The following IP6K1 variants were observed in gnomAD, a reference collection of about 807,000 sequenced individuals.
IP6K1 encodes the protein ATP:1D-myo-inositol-hexakisphosphate phosphotransferase.
A neutral mutation model predicts 38.3 loss-of-function variants in IP6K1; 13 were observed. The observed-to-expected ratio is 0.34, with a 90% CI of 0.22 to 0.54. The LOEUF is 0.54. Among genes scored for constraint, IP6K1 ranks in the 20% least tolerant of loss-of-function variants. IP6K1 has a pLI of 0.92. For missense variants in IP6K1, 397 were observed against 599.8 expected (o/e 0.66, Z 3.53); for synonymous variants, 212 against 229.9 (o/e 0.92, Z 0.70).
intron 1 of IP6K1, among the ~76,000 whole-genome samples, chr3:49,766,107 C>T (rs991899157): frequency 1.3e-5 from 2 of 151,842 alleles, no homozygotes; most frequent in African/African-American, 4.8e-5. Flanking sequence ...ATCCGGGAGG[C>T]GGAGCTTGCC....
At chr3:49,761,613 CAAAA>C (rs71080551) in intron 1 of IP6K1, among the ~76,000 whole-genome samples, 2 of 91,722 alleles carry the variant, frequency 2.2e-5, no homozygotes, top group Non-Finnish European at 4.3e-5. Context: ...GACTCCGTCT[CAAAA>C]AAAAAAAAAA....
chr3:49,740,886 C>T (rs1472380902), intron 2 of IP6K1, among the ~76,000 whole-genome samples: 5 of 146,328 alleles, frequency 3.4e-5, no homozygotes, highest in African/African-American at 1.3e-4. Flanking sequence ...TGGAATCTTG[C>T]TCTGTCGCCC....
chr3:49,752,646 G>A lies in IP6K1; in HGVS notation c.-128-4478C>T, dbSNP rs77427442. On this transcript the variant is annotated intron_variant, in intron 1 of 5. Coordinates refer to ENST00000321599, the MANE Select transcript of IP6K1 (RefSeq NM_153273.4). ...CAAGTGATTCTCCTACCGTAGAGAC[G>A]GGGTTTCTCATGTTGGCCAGACTGG... Among the ~76,000 whole-genome samples the A allele has an allele frequency of 1.9e-4, 29 of 152,052 alleles. No individual in the cohort carries two copies. In the East Asian group the frequency reaches 2.3e-3, roughly 12 times the overall value.
chr3:49,734,563 C>T (rs900438628), intron 3 of IP6K1, among the ~76,000 whole-genome samples: 1 of 88,690 alleles, frequency 1.1e-5, no homozygotes, highest in African/African-American at 3.2e-5. Flanking sequence ...TGCTAACCCT[C>T]TCCAAGGGTC....
At chr3:49,728,060 C>CA in intron 5 of IP6K1, 43 bp downstream of exon 5, 1 of 1,580,094 alleles carries the variant, frequency 6.3e-7, no homozygotes. Context: ...CAACCCAAAT[C>CA]ATGCAAGTGG....
intron 1 of IP6K1, among the ~76,000 whole-genome samples, chr3:49,777,351 C>A (rs1178043769): frequency 6.6e-6 from 1 of 151,892 alleles, no homozygotes; most frequent in Non-Finnish European, 1.5e-5. Context: ...TGCCTGAGGT[C>A]AAGAGATCGA....
At chr3:49,742,408 G>A (rs2080677020) in intron 2 of IP6K1, among the ~76,000 whole-genome samples, 1 of 152,144 alleles carries the variant, frequency 6.6e-6, no homozygotes, top group Non-Finnish European at 1.5e-5. Flanking sequence ...AATTAGCCGG[G>A]CGTGGTGGTA....
intron 1 of IP6K1, among the ~76,000 whole-genome samples, chr3:49,776,648 A>G (rs1175446516): frequency 6.6e-6 from 1 of 152,210 alleles, no homozygotes; most frequent in African/African-American, 2.4e-5. Context: ...AGCTAGGAAC[A>G]CACAACTCAA....
Position 49,727,348 on chromosome 3 carries a change from T to A in IP6K1, c.1100A>T (p.Glu367Val). ...GCTGGGGCCACAGGATGACGCCACCTCAGGGAGCACCATGTCCAGGTGCTT... is the reference window on the plus strand; with the variant it reads ...GCTGGGGCCACAGGATGACGCCACCACAGGGAGCACCATGTCCAGGTGCTT... Reference protein sequence around the residue: ...RLKHLDMVLPEVASSCGPSTS... With the variant: ...RLKHLDMVLPVVASSCGPSTS... Residue 367 changes from glutamate (E) to valine (V), a missense_variant, in exon 6 of 6, where the codon GAG becomes GTG. By Grantham distance (121) the Glu-to-Val change is moderately radical (BLOSUM62 -2). This residue lies in a region of IP6K1 where 164 missense variants were observed against 213.5 expected (regional missense o/e 0.77). Transcript: ENST00000321599. This position sits in a 1 kb window ranked among gnomAD's most constrained non-coding sequence, Gnocchi z 5.9. 1.2e-6 allele frequency: 2 copies of A among 1,614,022 alleles called. No individual in the cohort carries two copies. The highest frequency in any genetic ancestry group is 4.5e-5 in the East Asian group (2 of 44,876).
At chr3:49,729,419 T>TA (rs2080544478) in intron 4 of IP6K1, among the ~76,000 whole-genome samples, 1 of 151,782 alleles carries the variant, frequency 6.6e-6, no homozygotes, top group Non-Finnish European at 1.5e-5. Flanking sequence ...TTATTTTATT[T>TA]TTTTTTTGAG....
chr3:49,763,736 T>C lies in IP6K1; in HGVS notation c.-128-15568A>G, dbSNP rs1002780061. 3.3e-5 allele frequency among the ~76,000 whole-genome samples: 5 copies of C among 151,932 alleles called. No homozygotes were observed. The East Asian group carries it at 9.7e-4, about 29-fold the overall frequency. The stretch of plus-strand genomic sequence containing the variant: ...TTCATAATTAAAAACTCTCAACAGG[T>C]TGGGTGTGGTGGCTCACGCCTGTAA... On this transcript the variant is annotated intron_variant, in intron 1 of 5. Transcript: ENST00000321599.
rs1177775710 is a variant in IP6K1, at chr3:49,732,791, T to C, written c.616A>G (p.Lys206Glu). 14 of 1,612,414 alleles carry C rather than the reference T, an allele frequency of 8.7e-6. No individual in the cohort carries two copies. Among genetic ancestry groups the C allele is most frequent in the Non-Finnish European group, 1.1e-5 (13 of 1,179,110 alleles). ...CCTGAAGGAGGGGCAACGAGGATAC[T>C]GTAGAGCTTTCGGTCCTTGGACTCG... ...RSESKDRKLY[K>E]FLLLENVVHH... The change falls in exon 4 of 6, where the codon AAG becomes GAG. Residue 206 changes from lysine (K) to glutamate (E), a missense_variant and splice_region_variant. Transcript: ENST00000321599.
chr3:49,760,623 CAAAAAAAAAAAAA>C (rs56070382), intron 1 of IP6K1, among the ~76,000 whole-genome samples: 45 of 100,354 alleles, frequency 4.5e-4, no homozygotes, highest in African/African-American at 1.6e-3. Context: ...GACTTCGTCT[CAAAAAAAAAAAAA>C]AAAAAAAAAG....
chr3:49,750,023 T>C (rs972115264), intron 1 of IP6K1, among the ~76,000 whole-genome samples: 2 of 152,170 alleles, frequency 1.3e-5, no homozygotes, highest in Admixed American at 1.3e-4. Flanking sequence ...ACCATATCAA[T>C]ATACCACTGT....
intron 1 of IP6K1, among the ~76,000 whole-genome samples, chr3:49,761,036 C>T: frequency 6.6e-6 from 1 of 152,220 alleles, no homozygotes; most frequent in East Asian, 1.9e-4. Context: ...GTAAAACTGG[C>T]CGGACGTGGT....
intron 2 of IP6K1, among the ~76,000 whole-genome samples, chr3:49,742,807 C>T (rs1273922602): frequency 6.6e-6 from 1 of 151,816 alleles, no homozygotes; most frequent in Non-Finnish European, 1.5e-5. Context: ...GGGAGAATCA[C>T]TTGAGCCCAG....
chr3:49,756,810 T>G (rs1160930142), intron 1 of IP6K1, among the ~76,000 whole-genome samples: 1 of 79,398 alleles, frequency 1.3e-5, no homozygotes, highest in Non-Finnish European at 2.3e-5. Context: ...AGGGCAAAAC[T>G]CCATCTCAAA....
At chr3:49,783,922 T>C (rs1460088760) in intron 1 of IP6K1, among the ~76,000 whole-genome samples, 1 of 152,110 alleles carries the variant, frequency 6.6e-6, no homozygotes, top group African/African-American at 2.4e-5. Flanking sequence ...AGCAACAAGC[T>C]GCCAGCGTCC....
intron 1 of IP6K1, among the ~76,000 whole-genome samples, chr3:49,784,766 G>A (rs1236918323): frequency 6.6e-6 from 1 of 151,744 alleles, no homozygotes; most frequent in Non-Finnish European, 1.5e-5. Flanking sequence ...CCAACATAGT[G>A]AAACCCCGTC....
Sources: gnomAD v4.1 joint callset for allele counts (sites outside exome capture counted in the v4.1 genomes callset) on GRCh38, gnomAD v4.1.1 for gene constraint, gnomAD v4.1.1 regional missense constraint, Gnocchi (gnomAD v3.1) non-coding constraint, MANE v1.5 for transcripts, NCBI Gene and HGNC (gene_info 2026-07-23, HGNC 2026-07-21) for gene names.